The following CCDC175 variants were observed in gnomAD, a reference collection of about 807,000 sequenced individuals.
The protein encoded by CCDC175 is coiled-coil domain-containing protein 175.
CCDC175 carries 100 observed loss-of-function variants against 114.6 expected under a neutral mutation model. The ratio of observed to expected loss-of-function variants is 0.87; its 90% CI spans 0.74 to 1.03. The LOEUF is 1.03. Among genes scored for constraint, CCDC175 ranks in the 50% least tolerant of loss-of-function variants. The pLI is 0.00. For missense variants in CCDC175, 880 were observed against 917.8 expected (o/e 0.96, Z 0.53); for synonymous variants, 306 against 308.7 (o/e 0.99, Z 0.09).
intron 2 of CCDC175, among the ~76,000 whole-genome samples, chr14:59,574,075 C>A (rs1050613672): frequency 1.3e-5 from 2 of 152,156 alleles, no homozygotes; most frequent in Admixed American, 6.5e-5. Context: ...CACCACAGAG[C>A]TGCACAACAC....
intron 18 of CCDC175, among the ~76,000 whole-genome samples, chr14:59,511,048 AT>A (rs1292626102): frequency 6.6e-6 from 1 of 152,186 alleles, no homozygotes; most frequent in Admixed American, 6.5e-5. Context: ...TAAGTGGATA[AT>A]GGTAGCCATG....
At chr14:59,551,108 T>G (rs894657497) in intron 8 of CCDC175, 6 of 304,570 alleles carry the variant, frequency 2.0e-5, no homozygotes, top group Non-Finnish European at 3.0e-5. Flanking sequence ...TGGATAGTCC[T>G]AAGGTACCCA....
chr14:59,509,730 G>A (rs533050122), intron 19 of CCDC175, among the ~76,000 whole-genome samples: 3 of 152,020 alleles, frequency 2.0e-5, no homozygotes, highest in African/African-American at 7.3e-5. Context: ...GGCTGGTCTC[G>A]AACACTTGGT....
At chr14:59,555,616 G>C (rs1043725759) in intron 7 of CCDC175, among the ~76,000 whole-genome samples, 4 of 152,146 alleles carry the variant, frequency 2.6e-5, no homozygotes, top group African/African-American at 9.7e-5. Context: ...TCTAGCCAGG[G>C]CAATCAGGCA....
Position 59,548,085 on chromosome 14 carries a change from A to G in CCDC175, c.1036-2786T>C, listed in dbSNP as rs1043469383. ...ATCAGCCGATGAATGGATAAAGAAA[A>G]TGTATACATGCACAATTGAATATAT... On this transcript the variant is annotated intron_variant, in intron 8 of 19. Transcript: ENST00000537690. 4.6e-5 allele frequency among the ~76,000 whole-genome samples: 7 copies of G among 152,190 alleles called. No individual in the cohort carries two copies. The East Asian group carries it at 1.2e-3, about 25-fold the overall frequency.
chr14:59,551,575 A>T (rs1202784244), intron 7 of CCDC175, 139 bp from the exon 8 acceptor site: 1 of 492,922 alleles, frequency 2.0e-6, no homozygotes, highest in Admixed American at 4.0e-5. Context: ...TGCATTTCCA[A>T]CCGAAGTACC....
chr14:59,544,017 G>A (rs1315833736), intron 9 of CCDC175, among the ~76,000 whole-genome samples: 2 of 152,214 alleles, frequency 1.3e-5, no homozygotes, highest in Non-Finnish European at 2.9e-5. Flanking sequence ...TAATAAGAGT[G>A]TGATCTTAAG....
chr14:59,530,489 A>G (rs751395844), intron 14 of CCDC175, among the ~76,000 whole-genome samples: 4 of 151,832 alleles, frequency 2.6e-5, no homozygotes, highest in Non-Finnish European at 5.9e-5. Flanking sequence ...AAGGGAAAAG[A>G]AAAGAAAATT....
intron 13 of CCDC175, among the ~76,000 whole-genome samples, chr14:59,536,454 C>T (rs1217429801): frequency 6.6e-6 from 1 of 151,882 alleles, no homozygotes; most frequent in Non-Finnish European, 1.5e-5. Flanking sequence ...TATTTTCATT[C>T]CCCCGTGCTA....
At chr14:59,512,721 T>A (rs1399466056) in intron 17 of CCDC175, among the ~76,000 whole-genome samples, 3 of 152,078 alleles carry the variant, frequency 2.0e-5, no homozygotes, top group Non-Finnish European at 2.9e-5. Flanking sequence ...ATTCTTGGAT[T>A]AGAAAATATA....
chr14:59,540,726 T>G lies in CCDC175; in HGVS notation c.1304A>C (p.Gln435Pro). ...AGCACTCAGGATTTTGATTTGTTGC[T>G]GATACACTGTTTTTGTTGCTCTAAA... ...ELQQATKTVY[Q>P]QQIKILSANL... is the part of the protein sequence containing the mutation. Residue 435 changes from glutamine to proline, a missense_variant, in exon 11 of 20, where the codon CAG becomes CCG. Coordinates refer to ENST00000537690, the MANE Select transcript of CCDC175 (RefSeq NM_001164399.2). 1 of 1,533,004 alleles carries G rather than the reference T, an allele frequency of 6.5e-7. No homozygotes were observed. The highest frequency in any genetic ancestry group is 2.5e-5 in the East Asian group (1 of 40,672). 95.0% of individuals were successfully genotyped at this position (1,533,004 alleles called of 1,614,324 possible).
intron 19 of CCDC175, among the ~76,000 whole-genome samples, chr14:59,508,118 C>T (rs1892530645): frequency 6.6e-6 from 1 of 152,040 alleles, no homozygotes; most frequent in Non-Finnish European, 1.5e-5. Flanking sequence ...ACCCCCGACC[C>T]CCCACACACC....
At chr14:59,530,655 T>C (rs572499718) in intron 14 of CCDC175, among the ~76,000 whole-genome samples, 10 of 152,120 alleles carry the variant, frequency 6.6e-5, no homozygotes, top group Non-Finnish European at 1.3e-4. Context: ...TATTATAACA[T>C]TCTTACATTT....
chr14:59,564,420 C>T (rs1896400338), intron 5 of CCDC175: 1 of 153,248 alleles, frequency 6.5e-6, no homozygotes, highest in Non-Finnish European at 1.5e-5. Flanking sequence ...ATCAAAACCA[C>T]CTCTCCCCCA....
intron 19 of CCDC175, among the ~76,000 whole-genome samples, chr14:59,508,623 G>A (rs1892585378): frequency 6.7e-6 from 1 of 149,882 alleles, no homozygotes; most frequent in African/African-American, 2.5e-5. Flanking sequence ...TATGGTCTGA[G>A]AGTTTGTGTC....
Position 59,563,556 on chromosome 14 carries a change from C to T in CCDC175, c.843+181G>A, listed in dbSNP as rs79344442. Among the ~76,000 whole-genome samples, 716 of 151,778 alleles carry T rather than the reference C, an allele frequency of 4.7e-3. 9 individuals carry two copies. Among genetic ancestry groups the T allele is most frequent in the African/African-American group, 0.017 (692 of 41,322 alleles). On this transcript the variant is annotated intron_variant, in intron 6 of 19. Coordinates refer to ENST00000537690, the MANE Select transcript of CCDC175 (RefSeq NM_001164399.2). The stretch of plus-strand genomic sequence containing the variant: ...TAAGGCATTCCACATTTCCTTCTTC[C>T]CATCATATTCCTGAAGAGGAAACCA...
chr14:59,538,672 G>A (rs1894562207), intron 12 of CCDC175, 33 bp downstream of exon 12: 1 of 1,492,968 alleles, frequency 6.7e-7, no homozygotes, highest in African/African-American at 1.4e-5. Context: ...TGCAATGTAG[G>A]GGACTAATTC....
At position 59,525,354 on chromosome 14, in the gene CCDC175, G is replaced by C. The variant is rs1373710441; in HGVS notation, c.1923C>G (p.Asn641Lys). 3 of 1,510,298 alleles carry C rather than the reference G, an allele frequency of 2.0e-6. No homozygotes were observed. The highest frequency in any genetic ancestry group is 2.6e-6 in the Non-Finnish European group (3 of 1,135,774). The allele number at this position is 1,510,298 out of a possible 1,614,324, so 93.6% of individuals were successfully genotyped here. The stretch of plus-strand genomic sequence containing the variant: ...CATTTATATAGAATCCATTTTCTAA[G>C]TTCTTTAGAGTTTCAAAATGATCTT... ...KNKDHFETLK[N>K]LENGFYINDQ... The change falls in exon 16 of 20, where the codon AAC becomes AAG. Residue 641 changes from asparagine to lysine, a missense_variant. Asn to Lys is a moderately conservative substitution (Grantham distance 94, BLOSUM62 0). Coordinates refer to ENST00000537690, the MANE Select transcript of CCDC175 (RefSeq NM_001164399.2).
intron 9 of CCDC175, 77 bp downstream of exon 9, chr14:59,545,086 A>T: frequency 7.6e-7 from 1 of 1,309,074 alleles, no homozygotes. Context: ...GTTTAAGTGG[A>T]GAGCCACCAC....
Sources: gnomAD v4.1 joint callset for allele counts (sites outside exome capture counted in the v4.1 genomes callset) on GRCh38, gnomAD v4.1.1 for gene constraint, MANE v1.5 for transcripts, NCBI Gene and HGNC (gene_info 2026-07-23, HGNC 2026-07-21) for gene names.